THOP1: variants seen among roughly 807,000 people sequenced by gnomAD.
The protein encoded by THOP1 is thimet oligopeptidase.
THOP1 carries 49 observed loss-of-function variants against 71.8 expected under a neutral mutation model. That is an observed-to-expected ratio of 0.68 (90% CI 0.54 to 0.87). The LOEUF (loss-of-function observed/expected upper bound fraction) is 0.87, where lower values mean the gene tolerates loss of function less well. Ranked by LOEUF, THOP1 falls within the 40% of genes least tolerant of loss-of-function variation. The pLI is 0.00. For synonymous variants in THOP1, 426 were observed against 421.5 expected (o/e 1.01, Z -0.13); for missense variants, 843 against 975.6 (o/e 0.86, Z 1.81).
intron 4 of THOP1, 49 bp downstream of exon 4, chr19:2,796,237 G>T: frequency 1.4e-6 from 2 of 1,416,076 alleles, no homozygotes; most frequent in South Asian, 1.2e-5. Context: ...GGTCGATCCC[G>T]GGGAGTGCTG....
At chr19:2,788,670 G>C (rs758985248) in intron 1 of THOP1, among the ~76,000 whole-genome samples, 1 of 152,154 alleles carries the variant, frequency 6.6e-6, no homozygotes, top group Non-Finnish European at 1.5e-5. Context: ...GTAGAGACGG[G>C]GTTTCTCCAT....
intron 12 of THOP1, chr19:2,812,210 T>C (rs758148851): frequency 2.2e-5 from 34 of 1,518,604 alleles, no homozygotes; most frequent in Admixed American, 1.9e-4. Context: ...TTCCTCACTA[T>C]GAAGTGCGGC....
chr19:2,785,953 A>T (rs1177402397), intron 1 of THOP1, among the ~76,000 whole-genome samples: 1 of 151,964 alleles, frequency 6.6e-6, no homozygotes, highest in East Asian at 1.9e-4. Context: ...TGATTTAACG[A>T]CTCCAGTCCC....
chr19:2,789,339 T>G (rs1640267), intron 1 of THOP1, among the ~76,000 whole-genome samples: 1 of 152,052 alleles, frequency 6.6e-6, no homozygotes, highest in Non-Finnish European at 1.5e-5. Context: ...CGAGCCGCAC[T>G]GACTTCACAT....
In THOP1 at chr19:2,807,722, CT is replaced by C; in HGVS notation, c.1168del (p.Trp390GlyfsTer89). 1.9e-6 allele frequency: 3 copies of C among 1,598,220 alleles called. No homozygotes were observed. Among genetic ancestry groups the C allele is most frequent in the Non-Finnish European group, 2.6e-6 (3 of 1,170,142 alleles). ...TCCACCACGAGGAGGGCGCCAGTGCCTGGCATGAGGACGTGCGGCTCTACAC... is the reference window on the plus strand; with the variant it reads ...TCCACCACGAGGAGGGCGCCAGTGCCGGCATGAGGACGTGCGGCTCTACAC... ...AFHHEEGASA[W>X]HEDVRLYTAR... is the part of the protein sequence containing the mutation. On this transcript the variant is annotated frameshift_variant, in exon 8 of 13. Transcript: ENST00000307741. LOFTEE classifies it high-confidence loss of function.
intron 5 of THOP1, among the ~76,000 whole-genome samples, chr19:2,802,901 C>A (rs1599527168): frequency 6.6e-6 from 1 of 152,248 alleles, no homozygotes; most frequent in African/African-American, 2.4e-5. Flanking sequence ...TCAAATCGTC[C>A]CACATGGACC....
intron 5 of THOP1, 42 bp downstream of exon 5, chr19:2,799,833 G>T (rs1435289040): frequency 6.4e-7 from 1 of 1,561,840 alleles, no homozygotes. Context: ...ATCGGTCCTG[G>T]GACTCAGTGC....
chr19:2,810,398 C>T lies in THOP1; in HGVS notation c.1550C>T (p.Pro517Leu), dbSNP rs770673897. ...MLENWVWEQEPLLRMSRHYRT... is the reference protein window; with the variant it reads ...MLENWVWEQELLLRMSRHYRT... ...GAGAACTGGGTGTGGGAGCAGGAGC[C>T]GCTGCTGCGGATGTCGCGGCACTAC... The change falls in exon 10 of 13, where the codon CCG becomes CTG. Residue 517 changes from proline (P) to leucine (L), a missense_variant. Coordinates refer to ENST00000307741, the MANE Select transcript of THOP1 (RefSeq NM_003249.5). The T allele has an allele frequency of 9.9e-6, 16 of 1,610,284 alleles. No homozygotes were observed. Among genetic ancestry groups the T allele is most frequent in the East Asian group, 2.2e-5 (1 of 44,838 alleles).
At chr19:2,812,328 G>T (rs892792728) in intron 12 of THOP1, 2 of 1,534,780 alleles carry the variant, frequency 1.3e-6, no homozygotes, top group Admixed American at 2.0e-5. Flanking sequence ...TTTGAGGGCC[G>T]GCCCTGCCCT....
chr19:2,800,460 G>T (rs918700485), intron 5 of THOP1, among the ~76,000 whole-genome samples: 2 of 152,232 alleles, frequency 1.3e-5, no homozygotes, highest in African/African-American at 4.8e-5. Context: ...GGGATTACAG[G>T]CATGAGCCAC....
rs1446357085 is a variant in THOP1 at position 2,814,440 on chromosome 19, C to T, written c.*1164C>T. On this transcript the variant is annotated 3_prime_UTR_variant, in exon 13 of 13. Transcript: ENST00000307741. ...TCAGCAGAACCTGTGACCCTGCTTC[C>T]CGAGGCCTATGGGTGGCCAGACATC... The T allele has an allele frequency of 6.6e-6, 1 of 152,302 alleles. No individual in the cohort carries two copies. Among genetic ancestry groups the T allele is most frequent in the Non-Finnish European group, 1.5e-5 (1 of 68,080 alleles). The allele number at this position is 152,302 out of a possible 1,614,324, so 9.4% of individuals were successfully genotyped here. A position where few individuals can be genotyped will look rare whatever the true frequency, so the allele number is the denominator to read the frequency against.
chr19:2,800,909 G>C (rs1916130317), intron 5 of THOP1, among the ~76,000 whole-genome samples: 1 of 152,212 alleles, frequency 6.6e-6, no homozygotes, highest in African/African-American at 2.4e-5. Context: ...TCTCCTGCCT[G>C]CTCGTGTTAG....
At chr19:2,794,211 C>T (rs1029312923) in intron 2 of THOP1, among the ~76,000 whole-genome samples, 3 of 151,986 alleles carry the variant, frequency 2.0e-5, no homozygotes, top group Non-Finnish European at 4.4e-5. Flanking sequence ...GATGGGGTTT[C>T]ACCTTGTTGG....
intron 7 of THOP1, among the ~76,000 whole-genome samples, 184 bp from the exon 8 acceptor site, chr19:2,807,258 C>T (rs933160297): frequency 6.6e-6 from 1 of 152,190 alleles, no homozygotes; most frequent in African/African-American, 2.4e-5. Context: ...CCCATGCTTG[C>T]ACCCGGCCCC....
rs781343977 is a variant in THOP1 at position 2,806,995 on chromosome 19, G to T, written c.829G>T (p.Asp277Tyr). The change falls in exon 7 of 13, where the codon GAC (aspartate) becomes TAC (tyrosine). Residue 277 changes from aspartate to tyrosine, a missense_variant. Coordinates refer to ENST00000307741, the MANE Select transcript of THOP1 (RefSeq NM_003249.5). ...CCTGCTGGGGTTCCACACGCACGCCGACTATGTCCTGGAGATGAACATGGC... is the reference window on the plus strand; with the variant it reads ...CCTGCTGGGGTTCCACACGCACGCCTACTATGTCCTGGAGATGAACATGGC... ...SRLLGFHTHADYVLEMNMAKT... is the reference protein window; with the variant it reads ...SRLLGFHTHAYYVLEMNMAKT... 1.2e-6 allele frequency: 2 copies of T among 1,613,026 alleles called. No individual in the cohort carries two copies. The highest frequency in any genetic ancestry group is 2.2e-5 in the South Asian group (2 of 91,068).
At chr19:2,793,465 A>G (rs959808433) in intron 2 of THOP1, among the ~76,000 whole-genome samples, 6 of 151,772 alleles carry the variant, frequency 4.0e-5, no homozygotes, top group African/African-American at 7.3e-5. Flanking sequence ...GCCGAGGCAG[A>G]TGGATCATGA....
At chr19:2,812,264 C>G (rs1916497207) in intron 12 of THOP1, 2 of 1,535,350 alleles carry the variant, frequency 1.3e-6, no homozygotes, top group Non-Finnish European at 1.7e-6. Flanking sequence ...CTTGGTGTGA[C>G]CCAGGCTCGG....
At position 2,794,748 on chromosome 19, in the gene THOP1, G is replaced by A. The variant is rs371591526; in HGVS notation, c.230-16G>A. On this transcript the variant is annotated splice_polypyrimidine_tract_variant and intron_variant, in intron 2 of 12. Coordinates refer to ENST00000307741, the MANE Select transcript of THOP1 (RefSeq NM_003249.5). Reference sequence around the variant, plus strand: ...GCCTGTTCTCACACCTGTCTCCCTGGTCTCCCCTGTTTTAGTTCAGAGGAA... The same window carrying A: ...GCCTGTTCTCACACCTGTCTCCCTGATCTCCCCTGTTTTAGTTCAGAGGAA... 3.1e-6 allele frequency: 5 copies of A among 1,602,144 alleles called. No individual in the cohort carries two copies. Among genetic ancestry groups the A allele is most frequent in the Non-Finnish European group, 4.3e-6 (5 of 1,170,106 alleles).
chr19:2,793,910 GTGTGCAGATTCC>G (rs1915947501), intron 2 of THOP1, among the ~76,000 whole-genome samples: 1 of 152,036 alleles, frequency 6.6e-6, no homozygotes, highest in African/African-American at 2.4e-5. Flanking sequence ...GTGAGTGCAC[GTGTGCAGATTCC>G]TGTGTGGATG....
Sources: allele counts gnomAD v4.1 joint callset (sites outside exome capture counted in the v4.1 genomes callset), GRCh38; gene constraint gnomAD v4.1.1; transcripts MANE v1.5; gene names NCBI Gene and HGNC (gene_info 2026-07-23, HGNC 2026-07-21).